Variants in FBXL16 observed in about 807,000 individuals in gnomAD.
The protein encoded by FBXL16 is F-box/LRR-repeat protein 16.
Under a neutral mutation model 36.7 loss-of-function variants are expected in FBXL16, and 7 were observed. That is an observed-to-expected ratio of 0.19 (90% CI 0.11 to 0.36). The LOEUF (loss-of-function observed/expected upper bound fraction) is 0.36. FBXL16 is among the 10% of genes least tolerant of loss of function. FBXL16 has a pLI of 1.00. For missense variants in FBXL16, 463 were observed against 659.4 expected, an observed-to-expected ratio of 0.70 and a Z score of 3.26; for synonymous variants, 355 against 308.7, an observed-to-expected ratio of 1.15 and a Z score of -1.57.
chr16:692,764 G>A lies in FBXL16; in HGVS notation c.*1511C>T, dbSNP rs923416014. On this transcript the variant is annotated 3_prime_UTR_variant, in exon 6 of 6. Coordinates refer to ENST00000397621, the MANE Select transcript of FBXL16 (RefSeq NM_153350.4). ...ATGGACAGCTGCCCCTCCCCACTAGGGGTTGTGGGGAGGAGGGGCTGGAGA... is the reference window on the plus strand; with the variant it reads ...ATGGACAGCTGCCCCTCCCCACTAGAGGTTGTGGGGAGGAGGGGCTGGAGA... 2.0e-5 allele frequency: 3 copies of A among 152,394 alleles called. No homozygotes were observed. Among genetic ancestry groups the A allele is most frequent in the African/African-American group, 7.2e-5 (3 of 41,428 alleles). The allele number at this position is 152,394 out of a possible 1,614,324, so 9.4% of individuals were successfully genotyped here. A position where few individuals can be genotyped will look rare whatever the true frequency, so the allele number is the denominator to read the frequency against.
In FBXL16 at chr16:694,665, G is replaced by A. The variant is rs1012611448; in HGVS notation, c.1260C>T (p.Ala420=). ...GAGACAGGAGGCGCAAACTCCCCAG[G>A]GCCAGGAGGTGCTTCAGCCCGAAGT... ...VQDFGLKHLL[A]LGSLRLLSLA... The change falls in exon 5 of 6, where the codon GCC becomes GCT. Residue 420 remains alanine, a synonymous_variant. Transcript: ENST00000397621. 4 of 1,609,894 alleles carry A rather than the reference G, an allele frequency of 2.5e-6. No homozygotes were observed. The African/African-American group carries it at 5.3e-5, about 21-fold the overall frequency.
In FBXL16 at chr16:694,350, G is replaced by A; in HGVS notation, c.1365C>T (p.Thr455=). ...GCTCGGGGGTGGCCCCGGGGCAGTT[G>A]GTCAGCTCCAGCTCCTCCAGCTCCT... ...QLQELEELEL[T]NCPGATPELF... Residue 455 remains threonine (T), a synonymous_variant, in exon 6 of 6, where the codon ACC becomes ACT. Transcript: ENST00000397621. 6.5e-7 allele frequency: 1 copy of A among 1,527,004 alleles called. No individual in the cohort carries two copies. Among genetic ancestry groups the A allele is most frequent in the South Asian group, 1.2e-5 (1 of 80,478 alleles). 94.6% of individuals were successfully genotyped at this position (1,527,004 alleles called of 1,614,324 possible).
chr16:695,307 C>CAGCCCCGCCGGA (rs1180748149), intron 3 of FBXL16, 108 bp downstream of exon 3: 44 of 1,120,178 alleles, frequency 3.9e-5, no homozygotes, highest in Non-Finnish European at 4.8e-5. Context: ...GCCACAGCCC[C>CAGCCCCGCCGGA]AGCCCCGCCG....
chr16:700,856 G>C (rs1461525650), intron 1 of FBXL16, among the ~76,000 whole-genome samples: 1 of 152,148 alleles, frequency 6.6e-6, no homozygotes, highest in Admixed American at 6.5e-5. Context: ...CACCGCGGAC[G>C]GCTGCGGGGT....
chr16:695,343 AGCCCCGCCCCGCCCC>A, intron 3 of FBXL16, 57 bp downstream of exon 3: 1 of 944,950 alleles, frequency 1.1e-6, no homozygotes, highest in Non-Finnish European at 1.3e-6. Context: ...GGCCCCGTGC[AGCCCCGCCCCGCCCC>A]GCCCCGTGCA....
At chr16:701,161 G>T (rs988614161) in intron 1 of FBXL16, among the ~76,000 whole-genome samples, 1 of 152,168 alleles carries the variant, frequency 6.6e-6, no homozygotes, top group South Asian at 2.1e-4. Context: ...CCTCAGGGTC[G>T]AGATGGAGAA....
Position 697,638 on chromosome 16 carries a change from C to T in FBXL16, c.-14-219G>A, listed in dbSNP as rs941182163. Among the ~76,000 whole-genome samples the T allele has an allele frequency of 1.3e-5, 2 of 152,204 alleles. No individual in the cohort carries two copies. The highest frequency in any genetic ancestry group is 2.4e-5 in the African/African-American group (1 of 41,456). On this transcript the variant is annotated intron_variant, in intron 1 of 5. Transcript: ENST00000397621. This position sits in a 1 kb window ranked among gnomAD's most constrained non-coding sequence, Gnocchi z 4.6. Reference sequence around the variant, plus strand: ...ACTGGCAGCACTCACTGGGCACCTACGGTATGCACTGAGCCCAACCTTCAT... The same window carrying T: ...ACTGGCAGCACTCACTGGGCACCTATGGTATGCACTGAGCCCAACCTTCAT...
intron 1 of FBXL16, among the ~76,000 whole-genome samples, chr16:704,864 T>TGAGG (rs1227594829): frequency 6.6e-6 from 1 of 152,216 alleles, no homozygotes; most frequent in Non-Finnish European, 1.5e-5. Flanking sequence ...CCCTCTCTCC[T>TGAGG]GAGGTGATGG....
chr16:700,439 C>T (rs2040047236), intron 1 of FBXL16, among the ~76,000 whole-genome samples: 1 of 152,098 alleles, frequency 6.6e-6, no homozygotes, highest in Admixed American at 6.5e-5. Flanking sequence ...TTGCAAGGGC[C>T]GGCTGGGGTC....
chr16:700,597 CCGGGGAG>C, intron 1 of FBXL16, among the ~76,000 whole-genome samples: 1 of 152,160 alleles, frequency 6.6e-6, no homozygotes, highest in Non-Finnish European at 1.5e-5. Flanking sequence ...CCTCCCAGAG[CCGGGGAG>C]AGGGGATATC....
Position 697,588 on chromosome 16 carries a change from C to T in FBXL16, c.-14-169G>A, listed in dbSNP as rs1471934642. On this transcript the variant is annotated intron_variant, in intron 1 of 5. Transcript: ENST00000397621. The surrounding 1 kb of genome is among the most constrained non-coding windows in gnomAD (Gnocchi z 4.6). ...CTGCTTCTCCCTCCCAGACTGTGAG[C>T]AGCAACAGGAAGCCAACCATGGCCA... 6.6e-6 allele frequency among the ~76,000 whole-genome samples: 1 copy of T among 152,140 alleles called. No homozygotes were observed. The highest frequency in any genetic ancestry group is 1.5e-5 in the Non-Finnish European group (1 of 68,012).
Position 695,077 on chromosome 16 carries a change from C to A in FBXL16, c.1143-1G>T. 6.2e-7 allele frequency: 1 copy of A among 1,607,026 alleles called. No homozygotes were observed. The stretch of plus-strand genomic sequence containing the variant: ...GCCAGTGTCCGTGATGCGTACACAC[C>A]TGTGGTTGCACCAGAGGGGACCCCC... On this transcript the variant is annotated splice_acceptor_variant, in intron 3 of 5. Coordinates refer to ENST00000397621, the MANE Select transcript of FBXL16 (RefSeq NM_153350.4). LOFTEE classifies it high-confidence loss of function.
At chr16:695,235 G>A in intron 3 of FBXL16, 159 bp from the exon 4 acceptor site, 1 of 1,150,814 alleles carries the variant, frequency 8.7e-7, no homozygotes, top group Non-Finnish European at 1.2e-6. Flanking sequence ...CGGGGGTCCA[G>A]CCAACCCGTG....
At position 694,153 on chromosome 16, in the gene FBXL16, C is replaced by A. The variant is rs2039992021; in HGVS notation, c.*122G>T. 1.5e-6 allele frequency: 1 copy of A among 647,446 alleles called. No individual in the cohort carries two copies. The highest frequency in any genetic ancestry group is 7.9e-5 in the South Asian group (1 of 12,614). The allele number at this position is 647,446 out of a possible 1,614,324, so 40.1% of individuals were successfully genotyped here. ...CTTTCCCTCGGCTCGCCCCGCCTCC[C>A]GCGCTGGGCCGGGGGCGCGGGGGCT... On this transcript the variant is annotated 3_prime_UTR_variant, in exon 6 of 6. Transcript: ENST00000397621.
At chr16:705,268 G>A (rs1032702995) in intron 1 of FBXL16, among the ~76,000 whole-genome samples, 3 of 152,132 alleles carry the variant, frequency 2.0e-5, no homozygotes, top group African/African-American at 7.2e-5. Flanking sequence ...CCGGCCGAGT[G>A]GCCAGTGGGG....
chr16:695,362 C>G, intron 3 of FBXL16, 53 bp downstream of exon 3: 3 of 1,234,212 alleles, frequency 2.4e-6, no homozygotes, highest in Non-Finnish European at 3.0e-6. Context: ...CCGCCCCGCC[C>G]CGTGCAGCCC....
rs1276195627 is a variant in FBXL16, at chr16:705,563, T to G, written c.-66A>C. 1 of 149,670 alleles carries G rather than the reference T, an allele frequency of 6.7e-6. No homozygotes were observed. The highest frequency in any genetic ancestry group is 1.5e-5 in the Non-Finnish European group (1 of 67,172). The allele number at this position is 149,670 out of a possible 1,614,324, so 9.3% of individuals were successfully genotyped here. On this transcript the variant is annotated 5_prime_UTR_variant, in exon 1 of 6. An upstream open reading frame in the 5' UTR loses its in-frame stop. Transcript: ENST00000397621. ...ACGCTGTCCGCCGGGCGACCTCCCG[T>G]CATGGGGAGCCCGGCATGGGCGTCG...
At position 697,176 on chromosome 16, in the gene FBXL16, G is replaced by T; in HGVS notation, c.230C>A (p.Ala77Glu). The change falls in exon 2 of 6, where the codon GCA (alanine) becomes GAA (glutamate). Residue 77 changes from alanine (A) to glutamate (E), a missense_variant. Ala to Glu is a moderately radical substitution (Grantham distance 107). This residue lies in a region of FBXL16 where 263 missense variants were observed against 341.1 expected (regional missense o/e 0.77). Coordinates refer to ENST00000397621, the MANE Select transcript of FBXL16 (RefSeq NM_153350.4). This position sits in a 1 kb window ranked among gnomAD's most constrained non-coding sequence, Gnocchi z 4.6. Reference protein sequence around the residue: ...AALAGGPCTPAGGPASALAPG... With the variant: ...AALAGGPCTPEGGPASALAPG... ...TGCCAAGGCTGAGGCTGGTCCACCT[G>T]CCGGGGTGCACGGGCCCCCAGCCAG... 1.3e-6 allele frequency: 2 copies of T among 1,569,356 alleles called. No homozygotes were observed. The highest frequency in any genetic ancestry group is 1.7e-6 in the Non-Finnish European group (2 of 1,161,002).
At chr16:695,944 G>A (rs539959274) in intron 2 of FBXL16, 21 bp from the exon 3 acceptor site, 1 of 1,560,068 alleles carries the variant, frequency 6.4e-7, no homozygotes, top group African/African-American at 1.3e-5. Flanking sequence ...GCGGGCGCCG[G>A]GTCAGGATTG....
Sources: gnomAD v4.1 joint callset for allele counts (sites outside exome capture counted in the v4.1 genomes callset) on GRCh38, gnomAD v4.1.1 for gene constraint, gnomAD v4.1.1 regional missense constraint, Gnocchi (gnomAD v3.1) non-coding constraint, MANE v1.5 for transcripts, NCBI Gene and HGNC (gene_info 2026-07-23, HGNC 2026-07-21) for gene names.